The following DCAF5 variants were observed in gnomAD, a reference collection of about 807,000 sequenced individuals.
DCAF5 encodes DDB1 and CUL4 associated factor 5, also known as DDB1- and CUL4-associated factor 5.
A neutral mutation model predicts 80.7 loss-of-function variants in DCAF5; 9 were observed. The ratio of observed to expected loss-of-function variants is 0.11; its 90% CI spans 0.07 to 0.19. The LOEUF is 0.19. Among genes scored for constraint, DCAF5 ranks in the 10% least tolerant of loss-of-function variants. The pLI, the probability that DCAF5 is intolerant of heterozygous loss-of-function variation, is 1.00. For synonymous variants in DCAF5, 433 were observed against 461.9 expected (o/e 0.94, Z 0.80); for missense variants, 842 against 1,205.7 (o/e 0.70, Z 4.47).
chr14:69,138,033 T>C (rs569844835), intron 1 of DCAF5, among the ~76,000 whole-genome samples: 75 of 152,148 alleles, frequency 4.9e-4, no homozygotes, highest in African/African-American at 1.6e-3. Context: ...GACTACTGTA[T>C]GTCTAAGGCA....
rs1223858774 is a variant in DCAF5 at position 69,105,943 on chromosome 14, A to ATATATATATATATATATATATC, written c.665+10422_665+10423insGATATATATATATATATATATA. 8.1e-5 allele frequency among the ~76,000 whole-genome samples: 6 copies of ATATATATATATATATATATATC among 74,196 alleles called. 1 individual carries two copies. Among genetic ancestry groups the ATATATATATATATATATATATC allele is most frequent in the Middle Eastern group, 0.011 (1 of 90 alleles). 48.7% of individuals were successfully genotyped at this position (74,196 alleles called of 152,430 possible). A position where few individuals can be genotyped will look rare whatever the true frequency, so the allele number is the denominator to read the frequency against. Reference sequence around the variant, plus strand: ...TATATATATATATATATATATATATATATCTCCTATTGGTTCTGTTCCTCT... The same window carrying ATATATATATATATATATATATC: ...TATATATATATATATATATATATATATATATATATATATATATATATCTATCTCCTATTGGTTCTGTTCCTCT... On this transcript the variant is annotated intron_variant, in intron 5 of 8. Coordinates refer to ENST00000341516, the MANE Select transcript of DCAF5 (RefSeq NM_003861.3).
chr14:69,132,049 G>A (rs2041056128), intron 1 of DCAF5, among the ~76,000 whole-genome samples: 1 of 152,080 alleles, frequency 6.6e-6, no homozygotes, highest in African/African-American at 2.4e-5. Context: ...TCCACTGATG[G>A]ACCCTTGGGT....
chr14:69,088,072 G>A (rs1006512341), intron 6 of DCAF5, among the ~76,000 whole-genome samples: 6 of 151,970 alleles, frequency 3.9e-5, no homozygotes, highest in African/African-American at 1.2e-4. Flanking sequence ...TGACAACAAC[G>A]GGCTAAAGCT....
intron 6 of DCAF5, chr14:69,091,051 A>AC: frequency 1.4e-6 from 1 of 739,502 alleles, no homozygotes; most frequent in East Asian, 2.5e-5. Flanking sequence ...GGCCAAGTAT[A>AC]TTCTTAAACT....
chr14:69,091,107 A>G (rs1256679482), intron 6 of DCAF5: 3 of 757,780 alleles, frequency 4.0e-6, no homozygotes, highest in East Asian at 4.9e-5. Context: ...GGTGAGACTC[A>G]GAAAAGGCTG....
chr14:69,137,261 T>C (rs2041224417), intron 1 of DCAF5, among the ~76,000 whole-genome samples: 1 of 152,134 alleles, frequency 6.6e-6, no homozygotes, highest in Non-Finnish European at 1.5e-5. Context: ...TCTTAGGCCC[T>C]CAAAACCAGT....
chr14:69,054,879 T>C lies in DCAF5; in HGVS notation c.1807A>G (p.Ile603Val), dbSNP rs147355775. Residue 603 changes from isoleucine to valine, a missense_variant, in exon 9 of 9, where the codon ATC becomes GTC. This residue lies in a region of DCAF5 where 607 missense variants were observed against 656.6 expected (regional missense o/e 0.92). Transcript: ENST00000341516. ...CCAATGTAAGTGTTGGTGGGCTTGA[T>C]TGGGGCACTGGGCTTGTCTTCTCGG... Reference protein sequence around the residue: ...TTREDKPSAPIKPTNTYIGED... With the variant: ...TTREDKPSAPVKPTNTYIGED... 80 of 1,613,898 alleles carry C rather than the reference T, an allele frequency of 5.0e-5. No homozygotes were observed. The highest frequency in any genetic ancestry group is 1.6e-4 in the African/African-American group (12 of 74,864).
chr14:69,113,551 G>C (rs2040442097), intron 5 of DCAF5, among the ~76,000 whole-genome samples: 2 of 152,268 alleles, frequency 1.3e-5, no homozygotes, highest in Admixed American at 1.3e-4. Context: ...CCCTGAAAAA[G>C]TTCTATCGTG....
chr14:69,093,155 T>G (rs537950314), intron 5 of DCAF5, among the ~76,000 whole-genome samples: 3 of 152,220 alleles, frequency 2.0e-5, no homozygotes, highest in Non-Finnish European at 2.9e-5. Context: ...GAGGGATGAC[T>G]GCTCATAGTC....
intron 5 of DCAF5, among the ~76,000 whole-genome samples, chr14:69,109,654 T>C (rs931991261): frequency 2.0e-5 from 3 of 152,218 alleles, no homozygotes; most frequent in African/African-American, 7.2e-5. Context: ...TAGTTTGTTG[T>C]TTATTTATGT....
At position 69,152,394 on chromosome 14, in the gene DCAF5, C is replaced by G. The variant is rs1314458915; in HGVS notation, c.214+371G>C. The G allele has an allele frequency of 5.9e-6, 1 of 168,080 alleles. No homozygotes were observed. 10.4% of individuals were successfully genotyped at this position (168,080 alleles called of 1,614,324 possible). A position where few individuals can be genotyped will look rare whatever the true frequency, so the allele number is the denominator to read the frequency against. ...TCCTCGGCCTCCTCACCCTCCACATCCCCAAAATGCCCCCAGCACCTTTTA... is the reference window on the plus strand; with the variant it reads ...TCCTCGGCCTCCTCACCCTCCACATGCCCAAAATGCCCCCAGCACCTTTTA... On this transcript the variant is annotated intron_variant, in intron 1 of 8. Coordinates refer to ENST00000341516, the MANE Select transcript of DCAF5 (RefSeq NM_003861.3). This position sits in a 1 kb window ranked among gnomAD's most constrained non-coding sequence, Gnocchi z 4.1.
At chr14:69,103,649 T>C (rs973090362) in intron 5 of DCAF5, among the ~76,000 whole-genome samples, 4 of 152,230 alleles carry the variant, frequency 2.6e-5, no homozygotes, top group African/African-American at 9.6e-5. Context: ...TGATAACCAC[T>C]ATGCTATGGA....
chr14:69,119,077 G>T, intron 3 of DCAF5, 117 bp downstream of exon 3: 1 of 931,672 alleles, frequency 1.1e-6, no homozygotes, highest in African/African-American at 1.7e-5. Flanking sequence ...GAAAAGAACA[G>T]CTGGTTTCAT....
chr14:69,107,634 C>T (rs908572827), intron 5 of DCAF5, among the ~76,000 whole-genome samples: 1 of 152,178 alleles, frequency 6.6e-6, no homozygotes, highest in Non-Finnish European at 1.5e-5. Context: ...ACCAGAATAC[C>T]TGGCTCTCTG....
chr14:69,063,872 T>C (rs1218219279), intron 7 of DCAF5, among the ~76,000 whole-genome samples: 2 of 152,214 alleles, frequency 1.3e-5, no homozygotes, highest in Admixed American at 1.3e-4. Context: ...ATCTATTTGA[T>C]GGGTGACAAA....
intron 6 of DCAF5, among the ~76,000 whole-genome samples, chr14:69,077,428 GGCTGGAGT>G (rs527495945): frequency 9.0e-4 from 135 of 149,410 alleles, no homozygotes; most frequent in African/African-American, 3.2e-3. Context: ...CTGTCACCCA[GGCTGGAGT>G]GCAGTGGCAC....
chr14:69,142,590 C>G (rs2140117498), intron 1 of DCAF5, among the ~76,000 whole-genome samples: 1 of 152,314 alleles, frequency 6.6e-6, no homozygotes, highest in South Asian at 2.1e-4. Context: ...GCAGTTACAC[C>G]TCCCTTTATG....
intron 1 of DCAF5, among the ~76,000 whole-genome samples, chr14:69,148,313 A>G (rs2041606371): frequency 6.6e-6 from 1 of 152,170 alleles, no homozygotes; most frequent in East Asian, 1.9e-4. Context: ...TTCAAATACA[A>G]TGTTGTTCCC....
intron 1 of DCAF5, among the ~76,000 whole-genome samples, chr14:69,124,186 G>A (rs930342843): frequency 1.3e-5 from 2 of 152,008 alleles, no homozygotes; most frequent in East Asian, 1.9e-4. Flanking sequence ...GTATTCCATC[G>A]TATATATATT....
Sources: gnomAD v4.1 joint callset for allele counts (sites outside exome capture counted in the v4.1 genomes callset) on GRCh38, gnomAD v4.1.1 for gene constraint, gnomAD v4.1.1 regional missense constraint, Gnocchi (gnomAD v3.1) non-coding constraint, MANE v1.5 for transcripts, NCBI Gene and HGNC (gene_info 2026-07-23, HGNC 2026-07-21) for gene names.